STK32B: variants seen among roughly 807,000 people sequenced by gnomAD.
STK32B encodes the protein serine/threonine-protein kinase 32B.
A neutral mutation model predicts 52.6 loss-of-function variants in STK32B; 43 were observed. The ratio of observed to expected loss-of-function variants is 0.82; its 90% CI spans 0.64 to 1.05. The LOEUF is 1.05. STK32B is among the 50% of genes least tolerant of loss of function. The pLI is 0.00. For missense variants in STK32B, 621 were observed against 534.6 expected, an observed-to-expected ratio of 1.16 and a Z score of -1.59; for synonymous variants, 238 against 204.3, an observed-to-expected ratio of 1.17 and a Z score of -1.41.
At chr4:5,168,158 C>A in intron 2 of STK32B, 141 bp from the exon 3 acceptor site, 1 of 1,105,210 alleles carries the variant, frequency 9.0e-7, no homozygotes, top group Non-Finnish European at 1.3e-6. Context: ...TTGTGCCTAA[C>A]TTAGCAGAGC....
chr4:5,330,511 G>T (rs1732163032), intron 3 of STK32B, among the ~76,000 whole-genome samples: 1 of 152,168 alleles, frequency 6.6e-6, no homozygotes, highest in South Asian at 2.1e-4. Flanking sequence ...TGTTCTGTGG[G>T]GTAACTGGGC....
At chr4:5,286,955 G>A (rs994677166) in intron 3 of STK32B, among the ~76,000 whole-genome samples, 22 of 151,780 alleles carry the variant, frequency 1.4e-4, no homozygotes, top group Admixed American at 1.4e-3. Context: ...CAGCCACCAC[G>A]CCAGGCTAAT....
At chr4:5,441,183 C>A (rs1456667291) in intron 6 of STK32B, among the ~76,000 whole-genome samples, 1 of 149,946 alleles carries the variant, frequency 6.7e-6, no homozygotes, top group Non-Finnish European at 1.5e-5. Context: ...AGGAATGGTA[C>A]CAGTTCCTCC....
chr4:5,484,827 TTA>T (rs1719014328), intron 11 of STK32B, among the ~76,000 whole-genome samples: 1 of 152,178 alleles, frequency 6.6e-6, no homozygotes, highest in African/African-American at 2.4e-5. Context: ...GTAAAGTATT[TTA>T]TTTCTCCTTC....
chr4:5,317,508 GTATAA>G (rs559076228), intron 3 of STK32B, among the ~76,000 whole-genome samples: 7,325 of 87,500 alleles, frequency 0.084, 566 homozygotes, highest in African/African-American at 0.12. Context: ...TATTATATAT[GTATAA>G]TATATTTATT....
At chr4:5,343,846 C>G (rs564198817) in intron 4 of STK32B, among the ~76,000 whole-genome samples, 1 of 152,242 alleles carries the variant, frequency 6.6e-6, no homozygotes, top group East Asian at 1.9e-4. Flanking sequence ...GGGAGGGGTG[C>G]AAAGTAGCCT....
intron 4 of STK32B, among the ~76,000 whole-genome samples, chr4:5,337,328 C>A (rs761857455): frequency 6.6e-6 from 1 of 152,066 alleles, no homozygotes; most frequent in Non-Finnish European, 1.5e-5. Context: ...AGCGCAGACA[C>A]GCTATTCAAC....
intron 1 of STK32B, among the ~76,000 whole-genome samples, chr4:5,134,612 A>T (rs1048443093): frequency 2.0e-5 from 3 of 152,252 alleles, no homozygotes; most frequent in African/African-American, 7.2e-5. Flanking sequence ...TTTGGGGGTG[A>T]CATTGTCTAA....
At chr4:5,070,521 C>T (rs1435465250) in intron 1 of STK32B, among the ~76,000 whole-genome samples, 2 of 151,996 alleles carry the variant, frequency 1.3e-5, no homozygotes, top group Non-Finnish European at 2.9e-5. Flanking sequence ...ATTGTGTCTT[C>T]CAAAATAAGA....
At chr4:5,260,070 TACACACATAC>T (rs1726605090) in intron 3 of STK32B, among the ~76,000 whole-genome samples, 1 of 143,900 alleles carries the variant, frequency 6.9e-6, no homozygotes, top group African/African-American at 2.9e-5. Flanking sequence ...TATGCAAACA[TACACACATAC>T]ACACACACAC....
intron 1 of STK32B, among the ~76,000 whole-genome samples, chr4:5,126,841 C>T (rs1715393570): frequency 6.6e-6 from 1 of 152,160 alleles, no homozygotes; most frequent in South Asian, 2.1e-4. Context: ...ACCCAGTTAT[C>T]AATTTCCTGA....
At chr4:5,355,645 C>G (rs1734126265) in intron 4 of STK32B, among the ~76,000 whole-genome samples, 1 of 152,080 alleles carries the variant, frequency 6.6e-6, no homozygotes, top group Non-Finnish European at 1.5e-5. Context: ...TGTGGCTTCC[C>G]CACCCTAGAT....
In STK32B at chr4:5,380,338, G is replaced by A. The variant is rs1028721577; in HGVS notation, c.435-17869G>A. Among the ~76,000 whole-genome samples, 3 of 151,914 alleles carry A rather than the reference G, an allele frequency of 2.0e-5. No homozygotes were observed. The highest frequency in any genetic ancestry group is 4.4e-5 in the Non-Finnish European group (3 of 67,992). On this transcript the variant is annotated intron_variant, in intron 4 of 11. Coordinates refer to ENST00000282908, the MANE Select transcript of STK32B (RefSeq NM_018401.3). This position sits in a 1 kb window ranked among gnomAD's most constrained non-coding sequence, Gnocchi z 4.3. ...AGCCCTCCTCCCGAATCTCTCCAAC[G>A]CTACCCAAGAGAATGCAAAAGGCCA...
At chr4:5,148,047 G>C (rs1161563050) in intron 2 of STK32B, among the ~76,000 whole-genome samples, 1 of 151,710 alleles carries the variant, frequency 6.6e-6, no homozygotes, top group Non-Finnish European at 1.5e-5. Context: ...TTCTAGTAAG[G>C]CTTTTGACTA....
chr4:5,456,559 C>G (rs562650290), intron 7 of STK32B, among the ~76,000 whole-genome samples: 26 of 152,126 alleles, frequency 1.7e-4, no homozygotes, highest in African/African-American at 6.0e-4. Flanking sequence ...TGTGTGACCT[C>G]GGTGAGCCAC....
At chr4:5,379,215 C>G (rs917313397) in intron 4 of STK32B, among the ~76,000 whole-genome samples, 1 of 152,148 alleles carries the variant, frequency 6.6e-6, no homozygotes, top group Admixed American at 6.5e-5. Flanking sequence ...CTCCAAAGCC[C>G]GTGGCATCGG....
Position 5,460,276 on chromosome 4 carries a change from C to G in STK32B, c.909+48C>G. 1.3e-6 allele frequency: 2 copies of G among 1,570,062 alleles called. No individual in the cohort carries two copies. Among genetic ancestry groups the G allele is most frequent in the East Asian group, 4.5e-5 (2 of 44,422 alleles). ...GTCATGCCACCCCTCTGCAGGGTCCCCGCCTTGGTGCAAAGCAAGACTTTG... is the reference window on the plus strand; with the variant it reads ...GTCATGCCACCCCTCTGCAGGGTCCGCGCCTTGGTGCAAAGCAAGACTTTG... On this transcript the variant is annotated intron_variant, in intron 9 of 11. Transcript: ENST00000282908. The surrounding 1 kb of genome is among the most constrained non-coding windows in gnomAD (Gnocchi z 4.8).
chr4:5,326,669 A>G (rs1731897265), intron 3 of STK32B, among the ~76,000 whole-genome samples: 1 of 152,218 alleles, frequency 6.6e-6, no homozygotes, highest in Admixed American at 6.5e-5. Flanking sequence ...CTACAATGCT[A>G]ACACTCATCT....
intron 1 of STK32B, among the ~76,000 whole-genome samples, chr4:5,090,477 G>A (rs1713015579): frequency 2.1e-5 from 3 of 141,224 alleles, no homozygotes; most frequent in Admixed American, 7.6e-5. Flanking sequence ...CCAGGTTCAC[G>A]CCGTTCTCCT....
Sources: allele counts gnomAD v4.1 joint callset (sites outside exome capture counted in the v4.1 genomes callset), GRCh38; gene constraint gnomAD v4.1.1; non-coding constraint Gnocchi (gnomAD v3.1); transcripts MANE v1.5; gene names NCBI Gene and HGNC (gene_info 2026-07-23, HGNC 2026-07-21).